The following TMCO6 variants were observed in gnomAD, a reference collection of about 807,000 sequenced individuals.
TMCO6 encodes the protein transmembrane and coiled-coil domain-containing protein 6.
Under a neutral mutation model 61.8 loss-of-function variants are expected in TMCO6, and 47 were observed. The ratio of observed to expected loss-of-function variants is 0.76; its 90% confidence interval spans 0.60 to 0.97. The LOEUF is 0.97. Among genes scored for constraint, TMCO6 ranks in the 50% least tolerant of loss-of-function variants. The pLI is 0.00. For synonymous variants in TMCO6, 261 were observed against 254.2 expected (o/e 1.03, Z -0.25); for missense variants, 557 against 601.6 (o/e 0.93, Z 0.78).
the TMCO6 span, among the ~76,000 whole-genome samples, chr5:140,598,984 C>T: frequency 1.3e-5 from 2 of 152,154 alleles, no homozygotes; most frequent in African/African-American, 4.8e-5. Context: ...TCCTGTCAGA[C>T]CCCATTTGTA....
chr5:140,632,324 C>G, the TMCO6 span: 1 of 1,614,096 alleles, frequency 6.2e-7, no homozygotes, highest in South Asian at 1.1e-5. This position sits in a 1 kb window ranked among gnomAD's most constrained non-coding sequence, Gnocchi z 6.2. Context: ...TGGCCGGGAA[C>G]TTGTGGGGAC....
chr5:140,626,782 C>T, the TMCO6 span, among the ~76,000 whole-genome samples: 1 of 152,128 alleles, frequency 6.6e-6, no homozygotes, highest in Non-Finnish European at 1.5e-5. Context: ...GAACTCCTGA[C>T]CTCAGGCAAT....
intron 6 of TMCO6, 74 bp from the exon 7 acceptor site, chr5:140,642,851 A>G (rs3822356): frequency 0.23 from 363,900 of 1,610,602 alleles, 42,828 homozygotes; most frequent in East Asian, 0.28. Context: ...ACACTCTCCC[A>G]CCTGCTATCA....
At chr5:140,639,413 C>T (rs1047621470), upstream of TMCO6, 253 of 1,091,532 alleles carry the variant, frequency 2.3e-4, no homozygotes, top group Non-Finnish European at 3.2e-4. Context: ...CCGCTCCTCG[C>T]GCCCTCCCCG....
At chr5:140,634,380 C>CA in the TMCO6 span, among the ~76,000 whole-genome samples, 1 of 150,398 alleles carries the variant, frequency 6.6e-6, no homozygotes, top group Non-Finnish European at 1.5e-5. Flanking sequence ...CAAAACAAAA[C>CA]AAAAAAACAA....
chr5:140,638,708 C>G (rs972328213), upstream of TMCO6: 1 of 152,066 alleles, frequency 6.6e-6, no homozygotes, highest in African/African-American at 2.4e-5. Flanking sequence ...AGGCACCCAC[C>G]ACTACTCCCG....
the TMCO6 span, among the ~76,000 whole-genome samples, chr5:140,611,244 C>G: frequency 1.3e-5 from 2 of 152,142 alleles, no homozygotes; most frequent in African/African-American, 4.8e-5. Flanking sequence ...CTGGGAGGCA[C>G]AGTTTTGTGT....
downstream of TMCO6, among the ~76,000 whole-genome samples, chr5:140,646,888 G>A (rs1355821612): frequency 6.6e-6 from 1 of 152,082 alleles, no homozygotes; most frequent in Non-Finnish European, 1.5e-5. Context: ...CTCAGCACAG[G>A]GCCCAGCTCT....
chr5:140,644,407 A>T (rs773577459), intron 10 of TMCO6, among the ~76,000 whole-genome samples, 166 bp from the exon 11 acceptor site: 1 of 152,216 alleles, frequency 6.6e-6, no homozygotes, highest in African/African-American at 2.4e-5. Flanking sequence ...CTCACTTATA[A>T]CTGAGGATAA....
chr5:140,632,155 C>A, the TMCO6 span: 2 of 1,614,098 alleles, frequency 1.2e-6, no homozygotes, highest in East Asian at 4.5e-5. The surrounding 1 kb of genome is among the most constrained non-coding windows in gnomAD (Gnocchi z 6.2). Context: ...GAGTTCAGGG[C>A]GCTGGACCAC....
At chr5:140,609,870 A>T in the TMCO6 span, among the ~76,000 whole-genome samples, 6 of 151,572 alleles carry the variant, frequency 4.0e-5, no homozygotes, top group African/African-American at 1.2e-4. Context: ...TGCAAGTGGA[A>T]TTTTTTTCTT....
chr5:140,642,799 G>T (rs1221794378), intron 6 of TMCO6, 126 bp from the exon 7 acceptor site: 40 of 1,589,504 alleles, frequency 2.5e-5, no homozygotes, highest in Middle Eastern at 3.3e-4. Flanking sequence ...GAAGGGCTTT[G>T]GGTTTGGACA....
chr5:140,638,006 T>C (rs199583900), upstream of TMCO6, among the ~76,000 whole-genome samples: 2 of 146,288 alleles, frequency 1.4e-5, no homozygotes, highest in African/African-American at 2.5e-5. Context: ...TTCCTTCCTT[T>C]CTTTCTTTTC....
chr5:140,621,764 A>C, the TMCO6 span, among the ~76,000 whole-genome samples: 58 of 152,168 alleles, frequency 3.8e-4, 1 homozygote, highest in Admixed American at 2.6e-4. Context: ...AAGAGAATGC[A>C]CACCTGGGGG....
At chr5:140,627,289 G>A in the TMCO6 span, among the ~76,000 whole-genome samples, 1 of 151,940 alleles carries the variant, frequency 6.6e-6, no homozygotes, top group Non-Finnish European at 1.5e-5. Flanking sequence ...AGACAGAAGT[G>A]CAGATAAGGT....
chr5:140,620,945 C>T, the TMCO6 span, among the ~76,000 whole-genome samples: 2 of 151,646 alleles, frequency 1.3e-5, no homozygotes, highest in Admixed American at 6.6e-5. Flanking sequence ...CCCAGGAGGT[C>T]GAGTCTACAG....
chr5:140,613,380 T>G, the TMCO6 span, among the ~76,000 whole-genome samples: 1 of 90,346 alleles, frequency 1.1e-5, no homozygotes, highest in Non-Finnish European at 1.9e-5. Context: ...AGAGTGAGAC[T>G]CTGACTAAAA....
chr5:140,616,249 C>T, the TMCO6 span, among the ~76,000 whole-genome samples: 2 of 152,196 alleles, frequency 1.3e-5, no homozygotes, highest in South Asian at 2.1e-4. Context: ...AAAGGGACTA[C>T]ATTAAAATCT....
the TMCO6 span, among the ~76,000 whole-genome samples, chr5:140,602,975 C>T: frequency 4.6e-5 from 7 of 151,536 alleles, no homozygotes; most frequent in East Asian, 3.9e-4. Context: ...CAGGGTGAGC[C>T]GAGATAGTGC....
Sources: allele counts gnomAD v4.1 joint callset (sites outside exome capture counted in the v4.1 genomes callset), GRCh38; gene constraint gnomAD v4.1.1; non-coding constraint Gnocchi (gnomAD v3.1); transcripts MANE v1.5; gene names NCBI Gene and HGNC (gene_info 2026-07-23, HGNC 2026-07-21).